Variants in GOLGA1 observed in about 807,000 individuals in gnomAD.
GOLGA1 encodes golgin subfamily A member 1.
In GOLGA1, 63 loss-of-function variants were observed where a neutral mutation model predicts 119.7. The observed-to-expected ratio is 0.53, with a 90% CI of 0.43 to 0.65. The LOEUF is 0.65. Ranked by LOEUF, GOLGA1 falls within the 30% of genes least tolerant of loss-of-function variation. GOLGA1 has a pLI of 0.00. For missense variants in GOLGA1, 798 were observed against 912.8 expected (o/e 0.87, Z 1.62); for synonymous variants, 318 against 333.4 (o/e 0.95, Z 0.50).
chr9:124,918,473 G>T (rs1723407723), intron 10 of GOLGA1, among the ~76,000 whole-genome samples: 1 of 152,136 alleles, frequency 6.6e-6, no homozygotes, highest in South Asian at 2.1e-4. Context: ...ACATCAAAGG[G>T]TCCCTTGACT....
upstream of GOLGA1, chr9:124,943,166 AC>A (rs1336065436): frequency 6.6e-6 from 1 of 152,246 alleles, no homozygotes; most frequent in Non-Finnish European, 1.5e-5. Context: ...AACTGACAAG[AC>A]TTTTACAATA....
chr9:124,908,329 G>T, intron 12 of GOLGA1, 48 bp downstream of exon 12: 1 of 967,826 alleles, frequency 1.0e-6, no homozygotes, highest in Non-Finnish European at 1.7e-6. Context: ...TTGCCATTCA[G>T]CCAGGTTACC....
At position 124,889,143 on chromosome 9, in the gene GOLGA1, G is replaced by A. The variant is rs759810836; in HGVS notation, c.1761C>T (p.His587=). 6.8e-6 allele frequency: 11 copies of A among 1,606,300 alleles called. No homozygotes were observed. The highest frequency in any genetic ancestry group is 2.7e-5 in the African/African-American group (2 of 74,774). Residue 587 remains histidine (H), a splice_region_variant and synonymous_variant, in exon 18 of 23, where the codon CAC becomes CAT. Transcript: ENST00000373555. ...CCATGCAGGTGCAGCTGGGACTTACGTGCGACTCATTGACTGAGAGTGCTT... is the reference window on the plus strand; with the variant it reads ...CCATGCAGGTGCAGCTGGGACTTACATGCGACTCATTGACTGAGAGTGCTT... ...QAEALSVNES[H]VTSRAMQDPV...
At position 124,880,407 on chromosome 9, in the gene GOLGA1, G is replaced by A. The variant is rs779903848; in HGVS notation, c.*123C>T. 1.5e-6 allele frequency: 1 copy of A among 667,684 alleles called. No individual in the cohort carries two copies. The allele number at this position is 667,684 out of a possible 1,614,324, so 41.4% of individuals were successfully genotyped here. A position where few individuals can be genotyped will look rare whatever the true frequency, so the allele number is the denominator to read the frequency against. ...AGTGGGCCTTAGTCTTGTAAACAATGTTTAGACACTTGTACAAAATACTGC... is the reference window on the plus strand; with the variant it reads ...AGTGGGCCTTAGTCTTGTAAACAATATTTAGACACTTGTACAAAATACTGC... On this transcript the variant is annotated 3_prime_UTR_variant, in exon 23 of 23. Coordinates refer to ENST00000373555, the MANE Select transcript of GOLGA1 (RefSeq NM_002077.4).
At chr9:124,911,839 G>A in intron 11 of GOLGA1, 62 bp downstream of exon 11, 1 of 1,456,034 alleles carries the variant, frequency 6.9e-7, no homozygotes. Flanking sequence ...TAGGAATTGT[G>A]AAGTCACCAG....
intron 6 of GOLGA1, 37 bp from the exon 7 acceptor site, chr9:124,926,778 A>T: frequency 1.6e-6 from 2 of 1,279,824 alleles, no homozygotes; most frequent in South Asian, 2.6e-5. Context: ...GTTTCCAGTG[A>T]AGAGTATCTG....
At chr9:124,921,088 G>T in intron 10 of GOLGA1, 41 bp downstream of exon 10, 1 of 1,196,798 alleles carries the variant, frequency 8.4e-7, no homozygotes, top group South Asian at 1.2e-5. Flanking sequence ...TAGTTTTTAT[G>T]AATCTTAGAA....
At chr9:124,916,487 A>G (rs1830448419) in intron 10 of GOLGA1, among the ~76,000 whole-genome samples, 1 of 152,186 alleles carries the variant, frequency 6.6e-6, no homozygotes, top group Non-Finnish European at 1.5e-5. Context: ...CTTATAGCAA[A>G]TGAACAATTA....
chr9:124,904,072 T>TA (rs199796322), intron 12 of GOLGA1, among the ~76,000 whole-genome samples: 135 of 119,462 alleles, frequency 1.1e-3, no homozygotes, highest in East Asian at 4.4e-3. Context: ...AAAAAAATTC[T>TA]AAAAAAAAAA....
intron 12 of GOLGA1, 132 bp downstream of exon 12, chr9:124,908,245 T>G: frequency 6.1e-6 from 4 of 657,254 alleles, no homozygotes. Context: ...AACTCATCCC[T>G]GTATAGGTAA....
At chr9:124,912,069 C>G in intron 10 of GOLGA1, 43 bp from the exon 11 acceptor site, 4 of 1,565,992 alleles carry the variant, frequency 2.6e-6, no homozygotes, top group Non-Finnish European at 3.5e-6. Flanking sequence ...GAAGCCCTCT[C>G]TTCCTTCCTT....
Position 124,888,793 on chromosome 9 carries a change from G to A in GOLGA1, c.1761+350C>T, listed in dbSNP as rs1278830427. Among the ~76,000 whole-genome samples the A allele has an allele frequency of 3.3e-5, 5 of 152,132 alleles. No homozygotes were observed. The highest frequency in any genetic ancestry group is 4.8e-5 in the African/African-American group (2 of 41,414). On this transcript the variant is annotated intron_variant, in intron 18 of 22. Transcript: ENST00000373555. This position sits in a 1 kb window ranked among gnomAD's most constrained non-coding sequence, Gnocchi z 4.4. Reference sequence around the variant, plus strand: ...TCGGCTCCACCAAGCTCCGCCTCCCGGGTTCACATCATTCTCCTGCCTCAG... The same window carrying A: ...TCGGCTCCACCAAGCTCCGCCTCCCAGGTTCACATCATTCTCCTGCCTCAG...
chr9:124,936,392 A>G (rs912569897), intron 3 of GOLGA1, among the ~76,000 whole-genome samples: 4 of 152,188 alleles, frequency 2.6e-5, no homozygotes, highest in Admixed American at 2.0e-4. Flanking sequence ...GTCTATCGCC[A>G]GGAGAAGACA....
At chr9:124,937,435 A>G (rs7872688) in intron 3 of GOLGA1, among the ~76,000 whole-genome samples, 81,170 of 151,762 alleles carry the variant, frequency 0.53, 22,500 homozygotes, top group Non-Finnish European at 0.58. Flanking sequence ...CCTAGGTGAC[A>G]GAGCGAGACC....
At chr9:124,913,339 T>C (rs138166000) in intron 10 of GOLGA1, among the ~76,000 whole-genome samples, 21 of 152,312 alleles carry the variant, frequency 1.4e-4, no homozygotes, top group African/African-American at 5.1e-4. Flanking sequence ...ACATGAGTTC[T>C]TACATCCCCA....
At chr9:124,942,633 T>C (rs1308312849), upstream of GOLGA1, 1 of 152,248 alleles carries the variant, frequency 6.6e-6, no homozygotes, top group African/African-American at 2.4e-5. Flanking sequence ...TTTATTTTTA[T>C]ATTGATGATA....
At chr9:124,889,768 G>A (rs1829814553) in intron 16 of GOLGA1, among the ~76,000 whole-genome samples, 1 of 152,160 alleles carries the variant, frequency 6.6e-6, no homozygotes, top group Admixed American at 6.5e-5. Flanking sequence ...GCCAACAGTG[G>A]GTCAACCAGA....
Position 124,910,151 on chromosome 9 carries a change from G to C in GOLGA1, c.970-1679C>G, listed in dbSNP as rs553750063. Among the ~76,000 whole-genome samples the C allele has an allele frequency of 3.3e-5, 5 of 152,144 alleles. No homozygotes were observed. The South Asian group carries it at 1.0e-3, about 32-fold the overall frequency. ...TCACCATGTTGGCCAGGATGGTCTC[G>C]ATCTCCTGATCTTGTGATCCGCCCG... On this transcript the variant is annotated intron_variant, in intron 11 of 22. Coordinates refer to ENST00000373555, the MANE Select transcript of GOLGA1 (RefSeq NM_002077.4).
intron 10 of GOLGA1, among the ~76,000 whole-genome samples, chr9:124,916,881 A>AAAC (rs1830457788): frequency 2.3e-5 from 3 of 129,396 alleles, no homozygotes; most frequent in African/African-American, 8.1e-5. Flanking sequence ...GACACACAAA[A>AAAC]AAAAAAAAAA....
Sources: allele counts gnomAD v4.1 joint callset (sites outside exome capture counted in the v4.1 genomes callset), GRCh38; gene constraint gnomAD v4.1.1; non-coding constraint Gnocchi (gnomAD v3.1); transcripts MANE v1.5; gene names NCBI Gene and HGNC (gene_info 2026-07-23, HGNC 2026-07-21).